The following ZNF469 variants were observed in gnomAD, a reference collection of about 807,000 sequenced individuals.
ZNF469 encodes the protein zinc finger protein 469.
In ZNF469, 1 loss-of-function variant was observed where a neutral mutation model predicts 1.0. The ratio of observed to expected loss-of-function variants is 1.00; its 90% CI spans 0.35 to 4.73. The LOEUF is 4.73. Ranked by LOEUF, ZNF469 falls within the 30% of genes most tolerant of loss-of-function variation. The probability of loss-of-function intolerance (pLI) is 0.16; values close to 1 mark genes in which losing one functional copy is unlikely to be tolerated. For synonymous variants in ZNF469, 2,703 were observed against 2,363.4 expected, an observed-to-expected ratio of 1.14 and a Z score of -4.17; for missense variants, 6,100 against 5,356.3, an observed-to-expected ratio of 1.14 and a Z score of -4.33.
At chr16:88,220,068 C>T in the ZNF469 span, among the ~76,000 whole-genome samples, 3 of 152,220 alleles carry the variant, frequency 2.0e-5, no homozygotes, top group Admixed American at 1.3e-4. Context: ...CCTCATGATG[C>T]CTTCCAAAGA....
At chr16:88,179,175 C>G in the ZNF469 span, among the ~76,000 whole-genome samples, 93,633 of 152,000 alleles carry the variant, frequency 0.62, 30,156 homozygotes, top group Non-Finnish European at 0.71. Flanking sequence ...TGTGTCCCCT[C>G]CACATCTCAT....
the ZNF469 span, among the ~76,000 whole-genome samples, chr16:88,141,966 A>G: frequency 6.6e-6 from 1 of 152,248 alleles, no homozygotes; most frequent in African/African-American, 2.4e-5. Flanking sequence ...TGTTTCAGCC[A>G]TAAGTCTGTG....
At chr16:88,239,485 G>GTC in the ZNF469 span, among the ~76,000 whole-genome samples, 4 of 147,918 alleles carry the variant, frequency 2.7e-5, no homozygotes, top group Non-Finnish European at 4.5e-5. Flanking sequence ...TTTCATGATG[G>GTC]TCTCTCTTTT....
At chr16:88,133,596 C>G in the ZNF469 span, among the ~76,000 whole-genome samples, 1 of 151,432 alleles carries the variant, frequency 6.6e-6, no homozygotes, top group African/African-American at 2.4e-5. Flanking sequence ...AGCAATAAAT[C>G]AAATCATTCA....
At chr16:88,259,491 G>T in the ZNF469 span, among the ~76,000 whole-genome samples, 1 of 152,188 alleles carries the variant, frequency 6.6e-6, no homozygotes, top group Non-Finnish European at 1.5e-5. This position sits in a 1 kb window ranked among gnomAD's most constrained non-coding sequence, Gnocchi z 4.1. Context: ...GCTGCAGAAG[G>T]CTGTGGTCTT....
chr16:88,280,302 A>G, the ZNF469 span, among the ~76,000 whole-genome samples: 1 of 151,706 alleles, frequency 6.6e-6, no homozygotes, highest in Non-Finnish European at 1.5e-5. Context: ...GACAGTCAGT[A>G]TCGTGTAGAT....
rs117474182 is a variant in ZNF469 at position 88,434,638 on chromosome 16, G to A, written c.7168G>A (p.Ala2390Thr). 2.3e-5 allele frequency: 36 copies of A among 1,550,290 alleles called. No homozygotes were observed. In the East Asian group the frequency reaches 8.6e-4, roughly 37 times the overall value. ...PGTPETGRSG[A>T]TKMPRVTCPS... ...GACCCCTGAGACCGGGCGCTCTGGT[G>A]CTACCAAGATGCCCAGGGTCACCTG... is the stretch of plus-strand genomic sequence containing the variant. Residue 2390 changes from alanine (A) to threonine (T), a missense_variant, in exon 3 of 3, where the codon GCT becomes ACT. Ala to Thr is a moderately conservative substitution (Grantham distance 58). Transcript: ENST00000565624.
At chr16:88,373,734 C>T in the ZNF469 span, among the ~76,000 whole-genome samples, 4 of 152,170 alleles carry the variant, frequency 2.6e-5, no homozygotes, top group African/African-American at 7.2e-5. Context: ...CGGTGGCTCA[C>T]GCCTATAATC....
the ZNF469 span, chr16:88,191,576 G>A: frequency 6.6e-6 from 1 of 152,334 alleles, no homozygotes; most frequent in Non-Finnish European, 1.5e-5. Context: ...GCAGGAGAAG[G>A]ACCGCCCTGA....
chr16:88,374,412 C>G, the ZNF469 span, among the ~76,000 whole-genome samples: 7 of 152,268 alleles, frequency 4.6e-5, no homozygotes, highest in South Asian at 8.3e-4. Flanking sequence ...GGAGCAGCAG[C>G]TCAGGGTGGC....
At chr16:88,268,640 C>T in the ZNF469 span, among the ~76,000 whole-genome samples, 2 of 152,146 alleles carry the variant, frequency 1.3e-5, no homozygotes, top group African/African-American at 2.4e-5. Flanking sequence ...GGGTTGGCAC[C>T]GCCAGCAGGA....
At chr16:88,142,932 G>A in the ZNF469 span, among the ~76,000 whole-genome samples, 2 of 152,206 alleles carry the variant, frequency 1.3e-5, no homozygotes, top group Non-Finnish European at 2.9e-5. Context: ...GGGCCCCTCA[G>A]GGAGAGCCCC....
chr16:88,225,814 T>A, the ZNF469 span, among the ~76,000 whole-genome samples: 3 of 152,188 alleles, frequency 2.0e-5, no homozygotes, highest in African/African-American at 7.2e-5. Context: ...ATCCTGGGCT[T>A]CCAGCTCCAG....
Position 88,433,027 on chromosome 16 carries a change from G to A in ZNF469, c.5557G>A (p.Glu1853Lys), listed in dbSNP as rs1906308733. ...LHPTAGRPGF[E>K]GNEFAPAGAS... Reference sequence around the variant, plus strand: ...CCCCACGGCAGGGAGGCCTGGCTTTGAGGGTAATGAGTTTGCACCGGCGGG... The same window carrying A: ...CCCCACGGCAGGGAGGCCTGGCTTTAAGGGTAATGAGTTTGCACCGGCGGG... The change falls in exon 3 of 3, where the codon GAG (glutamate) becomes AAG (lysine). Residue 1853 changes from glutamate to lysine, a missense_variant. Transcript: ENST00000565624. 6.5e-7 allele frequency: 1 copy of A among 1,550,224 alleles called. No homozygotes were observed. The highest frequency in any genetic ancestry group is 2.0e-5 in the Admixed American group (1 of 50,988).
At chr16:88,405,777 C>T (rs970024325) in intron 1 of ZNF469, among the ~76,000 whole-genome samples, 3 of 152,202 alleles carry the variant, frequency 2.0e-5, no homozygotes, top group Admixed American at 6.5e-5. Context: ...GGTCATAGCC[C>T]GCCCTGCCAA....
the ZNF469 span, among the ~76,000 whole-genome samples, chr16:88,283,222 G>A: frequency 6.6e-6 from 1 of 151,828 alleles, no homozygotes; most frequent in African/African-American, 2.4e-5. Flanking sequence ...ACCTTGACAG[G>A]ATTTCAGTCA....
At position 88,431,866 on chromosome 16, in the gene ZNF469, C is replaced by T. The variant is rs1011129878; in HGVS notation, c.4396C>T (p.Pro1466Ser). 3.9e-6 allele frequency: 6 copies of T among 1,550,104 alleles called. No individual in the cohort carries two copies. The highest frequency in any genetic ancestry group is 3.5e-6 in the Non-Finnish European group (4 of 1,146,880). Residue 1466 changes from proline to serine, a missense_variant, in exon 3 of 3, where the codon CCA becomes TCA. Transcript: ENST00000565624. ...FPDLPVDRFD[P>S]PLYGSLSANR... The stretch of plus-strand genomic sequence containing the variant: ...AGACCTGCCGGTGGACAGATTCGAC[C>T]CACCCCTCTATGGCAGCCTGTCTGC...
chr16:88,432,944 CCA>C lies in ZNF469; in HGVS notation c.5475_5476del (p.Pro1827GlnfsTer26). 6.4e-7 allele frequency: 1 copy of C among 1,550,400 alleles called. No individual in the cohort carries two copies. The highest frequency in any genetic ancestry group is 8.7e-7 in the Non-Finnish European group (1 of 1,146,980). ...CTGGATGCCACCTGGCCTTTTGGTG[CCA>C]GTCCCAGCCATGCTGCCCAGGGACA... On this transcript the variant is annotated frameshift_variant, in exon 3 of 3. Coordinates refer to ENST00000565624, the MANE Select transcript of ZNF469 (RefSeq NM_001367624.2). LOFTEE classifies it low-confidence loss of function (END_TRUNC).
At chr16:88,406,453 C>T (rs539542558) in intron 1 of ZNF469, among the ~76,000 whole-genome samples, 17 of 152,370 alleles carry the variant, frequency 1.1e-4, no homozygotes, top group Middle Eastern at 3.4e-3. Context: ...CCCTGCCGTG[C>T]GGGCTGCCCA....
Sources: allele counts gnomAD v4.1 joint callset (sites outside exome capture counted in the v4.1 genomes callset), GRCh38; gene constraint gnomAD v4.1.1; non-coding constraint Gnocchi (gnomAD v3.1); transcripts MANE v1.5; gene names NCBI Gene and HGNC (gene_info 2026-07-23, HGNC 2026-07-21).